Variants in PARP12 observed in about 807,000 individuals in gnomAD.
PARP12 encodes poly(ADP-ribose) polymerase family member 12, also known as protein mono-ADP-ribosyltransferase PARP12.
PARP12 carries 59 observed loss-of-function variants against 72.4 expected under a neutral mutation model. The ratio of observed to expected loss-of-function variants is 0.81; its 90% CI spans 0.66 to 1.01. PARP12 has a LOEUF of 1.01. Among genes scored for constraint, PARP12 ranks in the 50% least tolerant of loss-of-function variants. The pLI, the probability that PARP12 is intolerant of heterozygous loss-of-function variation, is 0.00. For missense variants in PARP12, 851 were observed against 914.0 expected (o/e 0.93, Z 0.89); for synonymous variants, 403 against 371.4 (o/e 1.09, Z -0.98).
chr7:140,027,127 G>A (rs529817278), intron 10 of PARP12, 149 bp downstream of exon 10: 248 of 1,111,486 alleles, frequency 2.2e-4, no homozygotes, highest in Non-Finnish European at 2.8e-4. Flanking sequence ...CTGGGGGAGC[G>A]GACGAAGGAG....
rs1815628256 is a variant in PARP12 at position 140,024,102 on chromosome 7, A to G, written c.*458T>C. ...GAGCTGCCTGGGTTGGTGTCAGAGCAACAGGCAGAAGTGACTGTGCCGCCC... is the reference window on the plus strand; with the variant it reads ...GAGCTGCCTGGGTTGGTGTCAGAGCGACAGGCAGAAGTGACTGTGCCGCCC... On this transcript the variant is annotated 3_prime_UTR_variant, in exon 12 of 12. Transcript: ENST00000263549. 1 of 267,562 alleles carries G rather than the reference A, an allele frequency of 3.7e-6. No individual in the cohort carries two copies. Among genetic ancestry groups the G allele is most frequent in the Non-Finnish European group, 7.3e-6 (1 of 136,936 alleles). 16.6% of individuals were successfully genotyped at this position (267,562 alleles called of 1,614,324 possible). A position where few individuals can be genotyped will look rare whatever the true frequency, so the allele number is the denominator to read the frequency against.
chr7:140,025,543 A>G (rs1815705106), intron 11 of PARP12: 1 of 455,222 alleles, frequency 2.2e-6, no homozygotes, highest in Non-Finnish European at 4.4e-6. Context: ...TGTTCTTGGG[A>G]TGTGTTAAAG....
Position 140,024,712 on chromosome 7 carries a change from C to G in PARP12, c.1954G>C (p.Val652Leu), listed in dbSNP as rs777612185. ...GWSNAFYDSC[V>L]NSVSDPSIFV... is the part of the protein sequence containing the mutation. ...ATGGAGGGGTCGGACACACTGTTCA[C>G]GCAGCTATCATAGAAGGCGTTGCTC... The change falls in exon 12 of 12, where the codon GTG becomes CTG. Residue 652 changes from valine (V) to leucine (L), a missense_variant. Physicochemically the swap from Val to Leu is conservative, Grantham distance 32. Transcript: ENST00000263549. 1.9e-6 allele frequency: 3 copies of G among 1,614,144 alleles called. No individual in the cohort carries two copies.
chr7:140,035,460 A>G (rs529258984), intron 7 of PARP12, among the ~76,000 whole-genome samples: 1 of 152,352 alleles, frequency 6.6e-6, no homozygotes, highest in South Asian at 2.1e-4. Context: ...CTATGGACAC[A>G]GTAAAGTGAG....
At chr7:140,036,066 A>C (rs1816183317) in intron 7 of PARP12, among the ~76,000 whole-genome samples, 1 of 147,166 alleles carries the variant, frequency 6.8e-6, no homozygotes, top group Non-Finnish European at 1.5e-5. Flanking sequence ...AAGGAGGAGA[A>C]GGAGGAGAAG....
rs1276346875 is a variant in PARP12 at position 140,026,303 on chromosome 7, G to A, written c.1674C>T (p.Asp558=). ...TGGTGCCGTGGAACAGCTGCCGCTC[G>A]TCCACGGCCTTCCCTCCGTTCTGCT... ...MQKQNGGKAV[D]ERQLFHGTSA... is the part of the protein sequence containing the mutation. Residue 558 remains aspartate, a synonymous_variant, in exon 11 of 12, where the codon GAC becomes GAT. Transcript: ENST00000263549. 1.1e-5 allele frequency: 17 copies of A among 1,613,116 alleles called. No individual in the cohort carries two copies. Among genetic ancestry groups the A allele is most frequent in the South Asian group, 6.6e-5 (6 of 91,090 alleles).
intron 11 of PARP12, chr7:140,025,407 C>T: frequency 3.1e-6 from 1 of 323,696 alleles, no homozygotes; most frequent in South Asian, 2.7e-5. Context: ...TCCATCTTGA[C>T]CCCTTGCCAT....
chr7:140,029,235 A>T (rs986908899), intron 8 of PARP12: 2 of 152,330 alleles, frequency 1.3e-5, no homozygotes, highest in African/African-American at 4.8e-5. Flanking sequence ...CTGACTATGC[A>T]TATTGTTTAC....
chr7:140,024,020 T>C lies in PARP12; in HGVS notation c.*540A>G, dbSNP rs187788525. 1.4e-3 allele frequency: 261 copies of C among 185,674 alleles called. 1 individual carries two copies. The highest frequency in any genetic ancestry group is 2.3e-3 in the Non-Finnish European group (203 of 87,320). 11.5% of individuals were successfully genotyped at this position (185,674 alleles called of 1,614,324 possible). A position where few individuals can be genotyped will look rare whatever the true frequency, so the allele number is the denominator to read the frequency against. On this transcript the variant is annotated 3_prime_UTR_variant, in exon 12 of 12. Transcript: ENST00000263549. ...TCGATGGCACCACACAGCAGCCACC[T>C]GTTCTGACAATGTGACACAGACCAA...
chr7:140,058,875 C>T (rs996728278), intron 1 of PARP12, among the ~76,000 whole-genome samples: 3 of 152,058 alleles, frequency 2.0e-5, no homozygotes, highest in Admixed American at 1.3e-4. Context: ...GTGGATGGAT[C>T]ACTTGAGGTC....
chr7:140,026,375 G>T, intron 10 of PARP12, 27 bp from the exon 11 acceptor site: 1 of 1,593,392 alleles, frequency 6.3e-7, no homozygotes, highest in Non-Finnish European at 8.5e-7. Context: ...ATGTGTGCTG[G>T]GGGCAGAGTG....
intron 1 of PARP12, among the ~76,000 whole-genome samples, chr7:140,062,111 G>A (rs895125451): frequency 2.6e-5 from 4 of 152,022 alleles, no homozygotes; most frequent in South Asian, 2.1e-4. Flanking sequence ...GGGTTGAACT[G>A]GGTTTAAAGA....
At chr7:140,056,691 C>T (rs896625949) in intron 3 of PARP12, among the ~76,000 whole-genome samples, 165 bp downstream of exon 3, 1 of 152,226 alleles carries the variant, frequency 6.6e-6, no homozygotes, top group Non-Finnish European at 1.5e-5. Context: ...CACCCCCGCA[C>T]TCCCTGCCTT....
In PARP12 at chr7:140,062,782, C is replaced by G; in HGVS notation, c.66G>C (p.Glu22Asp). 7.1e-7 allele frequency: 1 copy of G among 1,409,464 alleles called. No homozygotes were observed. 87.3% of individuals were successfully genotyped at this position (1,409,464 alleles called of 1,614,324 possible). The change falls in exon 1 of 12, where the codon GAG becomes GAC. Residue 22 changes from glutamate (E) to aspartate (D), a missense_variant. Glu to Asp is a conservative substitution (Grantham distance 45). Around this residue, in one of 3 missense-constraint regions of PARP12, gnomAD observed 492 missense variants for 489.3 expected, o/e 1.01. Transcript: ENST00000263549. ...GCAAGCGGCGCCGCAGCTCGGGCAACTCCAGGGCGCCCCCGGCCGCGCACA... is the reference window on the plus strand; with the variant it reads ...GCAAGCGGCGCCGCAGCTCGGGCAAGTCCAGGGCGCCCCCGGCCGCGCACA... ...QVLCAAGGALELPELRRRLRM... is the reference protein window; with the variant it reads ...QVLCAAGGALDLPELRRRLRM...
rs776856537 is a variant in PARP12, at chr7:140,024,819, G to C, written c.1847C>G (p.Thr616Arg). The C allele has an allele frequency of 6.2e-7, 1 of 1,614,034 alleles. No homozygotes were observed. Among genetic ancestry groups the C allele is most frequent in the African/African-American group, 1.3e-5 (1 of 74,922 alleles). ...CACCAGCACCCGGGCCAGGAACATCGTGTGGGTCTGCGTGTCGGATTTGCT... is the reference window on the plus strand; with the variant it reads ...CACCAGCACCCGGGCCAGGAACATCCTGTGGGTCTGCGTGTCGGATTTGCT... Reference protein sequence around the residue: ...HYSKSDTQTHTMFLARVLVGE... With the variant: ...HYSKSDTQTHRMFLARVLVGE... Residue 616 changes from threonine to arginine, a missense_variant, in exon 12 of 12, where the codon ACG becomes AGG. Transcript: ENST00000263549.
At chr7:140,049,733 C>T (rs1816884669) in intron 4 of PARP12, among the ~76,000 whole-genome samples, 1 of 152,192 alleles carries the variant, frequency 6.6e-6, no homozygotes, top group Admixed American at 6.5e-5. Flanking sequence ...GAGCTATAGA[C>T]CACACTGTTC....
rs377587606 is a variant in PARP12 at position 140,034,307 on chromosome 7, T to C, written c.1349A>G (p.Tyr450Cys). The part of the protein sequence containing the change: ...FKAFVQKNLV[Y>C]GTTKKVCRRP... ...GCGGCAAACCTTTTTAGTTGTGCCA[T>C]AGACCAGGTTTTTCTGAACGAAGGC... Residue 450 changes from tyrosine (Y) to cysteine (C), a missense_variant, in exon 8 of 12, where the codon TAT becomes TGT. By Grantham distance (194) the Tyr-to-Cys change is radical. This residue lies in a region of PARP12 where 347 missense variants were observed against 396.1 expected (regional missense o/e 0.88). Transcript: ENST00000263549. The C allele has an allele frequency of 1.9e-5, 31 of 1,612,600 alleles. No homozygotes were observed. In the African/African-American group the frequency reaches 2.9e-4, roughly 15 times the overall value.
chr7:140,050,437 C>A (rs937078532), intron 4 of PARP12, among the ~76,000 whole-genome samples: 1 of 152,220 alleles, frequency 6.6e-6, no homozygotes, highest in Non-Finnish European at 1.5e-5. Flanking sequence ...TCCTAGGCTA[C>A]ATGCCAGCCT....
chr7:140,033,204 T>G (rs1300409385), intron 8 of PARP12: 1 of 985,212 alleles, frequency 1.0e-6, no homozygotes, highest in East Asian at 1.1e-4. Flanking sequence ...AAAAATAAAT[T>G]TTAATTTAAA....
Sources: gnomAD v4.1 joint callset for allele counts (sites outside exome capture counted in the v4.1 genomes callset) on GRCh38, gnomAD v4.1.1 for gene constraint, gnomAD v4.1.1 regional missense constraint, MANE v1.5 for transcripts, NCBI Gene and HGNC (gene_info 2026-07-23, HGNC 2026-07-21) for gene names.